NCOR2: variants seen among roughly 807,000 people sequenced by gnomAD.
The protein encoded by NCOR2 is CTG repeat protein 26.
Under a neutral mutation model 262.9 loss-of-function variants are expected in NCOR2, and 81 were observed. The observed-to-expected ratio is 0.31, with a 90% confidence interval of 0.26 to 0.37. The LOEUF (loss-of-function observed/expected upper bound fraction) is 0.37, where lower values mean the gene tolerates loss of function less well. Ranked by LOEUF, NCOR2 falls within the 10% of genes least tolerant of loss-of-function variation. The pLI is 1.00. For missense variants in NCOR2, 3,385 were observed against 3,621.4 expected (o/e 0.93, Z 1.68); for synonymous variants, 1,659 against 1,559.3 (o/e 1.06, Z -1.51).
chr12:124,453,754 G>A (rs1464327704), intron 6 of NCOR2, among the ~76,000 whole-genome samples: 1 of 152,240 alleles, frequency 6.6e-6, no homozygotes, highest in Non-Finnish European at 1.5e-5. Context: ...AGAGGTCGGG[G>A]CTGCTGGGCA....
intron 1 of NCOR2, among the ~76,000 whole-genome samples, chr12:124,506,778 G>A (rs1455768894): frequency 6.6e-6 from 1 of 152,226 alleles, no homozygotes; most frequent in Non-Finnish European, 1.5e-5. Context: ...GGAGGCTGGT[G>A]TCTGGGCAGT....
At chr12:124,336,000 G>A (rs1233990363) in intron 38 of NCOR2, 1 of 239,704 alleles carries the variant, frequency 4.2e-6, no homozygotes, top group Non-Finnish European at 8.1e-6. Flanking sequence ...GAGAAGTGGG[G>A]GTGTGGCTGG....
intron 43 of NCOR2, among the ~76,000 whole-genome samples, chr12:124,331,301 G>T (rs1359368164): frequency 6.6e-6 from 1 of 152,108 alleles, no homozygotes; most frequent in Admixed American, 6.5e-5. Flanking sequence ...GACCTCATAT[G>T]ATCCACCCGC....
At chr12:124,362,289 G>T in exon 22 of NCOR2, 1 of 1,317,832 alleles carries the variant, frequency 7.6e-7, no homozygotes, top group Non-Finnish European at 9.7e-7. Context: ...CATGGACTTT[G>T]GTGACCTGCT....
chr12:124,401,857 G>A lies in NCOR2; in HGVS notation c.1640+547C>T, dbSNP rs912564791. Among the ~76,000 whole-genome samples the A allele has an allele frequency of 2.0e-4, 30 of 152,146 alleles. 1 individual carries two copies. Among genetic ancestry groups the A allele is most frequent in the East Asian group, 3.9e-4 (2 of 5,188 alleles). On this transcript the variant is annotated intron_variant, in intron 14 of 46. Transcript: ENST00000405201. ...CAGGTACCTGGCGCTAAGTCGTGCC[G>A]CCCCCCTTTCTCCAGCTGGCTGCAC...
chr12:124,460,585 A>G (rs1192241859), intron 5 of NCOR2, among the ~76,000 whole-genome samples: 1 of 152,192 alleles, frequency 6.6e-6, no homozygotes, highest in East Asian at 1.9e-4. Context: ...CCCCCTCCAT[A>G]GAGGTGGATG....
chr12:124,413,728 G>C (rs530330502), intron 13 of NCOR2, among the ~76,000 whole-genome samples: 1 of 152,128 alleles, frequency 6.6e-6, no homozygotes, highest in Non-Finnish European at 1.5e-5. Flanking sequence ...GACGCAGAGC[G>C]GGAGACAGAG....
At chr12:124,335,179 C>T (rs761515899) in exon 40 of NCOR2, 1 of 1,611,768 alleles carries the variant, frequency 6.2e-7, no homozygotes, top group South Asian at 1.1e-5. Flanking sequence ...TGACCTTTGA[C>T]CCCTGGGGCG....
chr12:124,333,731 C>A (rs1049642802), intron 41 of NCOR2, among the ~76,000 whole-genome samples: 67 of 152,136 alleles, frequency 4.4e-4, no homozygotes, highest in Non-Finnish European at 7.4e-4. Context: ...TCTCTTTTGA[C>A]CCCCAGAGGC....
intron 44 of NCOR2, among the ~76,000 whole-genome samples, chr12:124,327,916 G>A (rs2034827091): frequency 6.6e-6 from 1 of 152,034 alleles, no homozygotes; most frequent in African/African-American, 2.4e-5. Context: ...GGGTAGGGGA[G>A]GTCAGATGCC....
chr12:124,387,842 G>A lies in NCOR2; in HGVS notation c.1877-1955C>T, dbSNP rs116155937. ...ACCGGGCCAGAGGGATCACAGACCCGGCACCCGGGTGGGAGAGGGCGAGAG... is the reference window on the plus strand; with the variant it reads ...ACCGGGCCAGAGGGATCACAGACCCAGCACCCGGGTGGGAGAGGGCGAGAG... On this transcript the variant is annotated intron_variant, in intron 16 of 46. Coordinates refer to ENST00000405201, the Ensembl canonical transcript of NCOR2. Among the ~76,000 whole-genome samples, 699 of 152,260 alleles carry A rather than the reference G, an allele frequency of 4.6e-3. 3 individuals are homozygous for A. The highest frequency in any genetic ancestry group is 0.016 in the African/African-American group (652 of 41,570).
chr12:124,327,337 G>T, intron 45 of NCOR2, 72 bp downstream of exon 47: 1 of 1,221,038 alleles, frequency 8.2e-7, no homozygotes, highest in Non-Finnish European at 1.1e-6. Flanking sequence ...TGTCAGAGGA[G>T]CGCGGAGGAG....
At chr12:124,484,616 C>T (rs899665616) in intron 2 of NCOR2, among the ~76,000 whole-genome samples, 7 of 152,236 alleles carry the variant, frequency 4.6e-5, no homozygotes, top group Admixed American at 1.3e-4. Context: ...CACTCCTGCC[C>T]CAGGGCCTTT....
intron 3 of NCOR2, among the ~76,000 whole-genome samples, chr12:124,480,139 G>C (rs2047368370): frequency 6.6e-6 from 1 of 152,230 alleles, no homozygotes; most frequent in Non-Finnish European, 1.5e-5. Flanking sequence ...GCAGAAAAGG[G>C]GACCCTGTAG....
rs1593762794 is a variant in NCOR2 at position 124,483,314 on chromosome 12, A to G, written c.411+282T>C. On this transcript the variant is annotated intron_variant, in intron 3 of 46. Coordinates refer to ENST00000405201, the Ensembl canonical transcript of NCOR2. The surrounding 1 kb of genome is among the most constrained non-coding windows in gnomAD (Gnocchi z 6.3). ...AGCTCTCCCCTCCCTCACGCCAGCT[A>G]CCCCGTGACCACAAGCCTATTCCTG... Among the ~76,000 whole-genome samples the G allele has an allele frequency of 6.6e-6, 1 of 151,648 alleles. No homozygotes were observed. The highest frequency in any genetic ancestry group is 2.4e-5 in the African/African-American group (1 of 41,254).
At chr12:124,487,267 A>G (rs1289016349) in intron 1 of NCOR2, among the ~76,000 whole-genome samples, 2 of 152,176 alleles carry the variant, frequency 1.3e-5, no homozygotes. Flanking sequence ...TGATGGCGAC[A>G]AACACCCGAC....
At chr12:124,403,023 T>TGTGATCTGGGTTGAGAGAG (rs1482945288) in intron 13 of NCOR2, among the ~76,000 whole-genome samples, 1 of 152,154 alleles carries the variant, frequency 6.6e-6, no homozygotes, top group Non-Finnish European at 1.5e-5. Flanking sequence ...GAGGGGCAGA[T>TGTGATCTGGGTTGAGAGAG]GTGATCTGGG....
rs751704928 is a variant in NCOR2 at position 124,398,200 on chromosome 12, G to A, written c.1814-19C>T. 87 of 1,613,664 alleles carry A rather than the reference G, an allele frequency of 5.4e-5. No homozygotes were observed. The highest frequency in any genetic ancestry group is 6.0e-5 in the Non-Finnish European group (71 of 1,179,670). On this transcript the variant is annotated intron_variant, in intron 15 of 46. Coordinates refer to ENST00000405201, the Ensembl canonical transcript of NCOR2. ...ATGGAGGCTGAAAAGAAGATGCCAG[G>A]TTATTGGCAGGAGCCGGGAGAGGAG...
exon 40 of NCOR2, chr12:124,335,168 G>A: frequency 6.2e-7 from 1 of 1,611,980 alleles, no homozygotes; most frequent in South Asian, 1.1e-5. Context: ...CCACCCGCTG[G>A]TGACCTTTGA....
Sources: gnomAD v4.1 joint callset for allele counts (sites outside exome capture counted in the v4.1 genomes callset) on GRCh38, gnomAD v4.1.1 for gene constraint, Gnocchi (gnomAD v3.1) non-coding constraint, MANE v1.5 for transcripts, NCBI Gene and HGNC (gene_info 2026-07-23, HGNC 2026-07-21) for gene names.